SLC4A8: variants seen among roughly 807,000 people sequenced by gnomAD.
The protein encoded by SLC4A8 is solute carrier family 4 member 8.
SLC4A8 carries 40 observed loss-of-function variants against 125.0 expected under a neutral mutation model. That is an observed-to-expected ratio of 0.32 (90% CI 0.25 to 0.42). The LOEUF is 0.42. Among genes scored for constraint, SLC4A8 ranks in the 10% least tolerant of loss-of-function variants. The probability of loss-of-function intolerance (pLI) is 1.00; values close to 1 mark genes in which losing one functional copy is unlikely to be tolerated. For missense variants in SLC4A8, 863 were observed against 1,355.1 expected, an observed-to-expected ratio of 0.64 and a Z score of 5.70; for synonymous variants, 456 against 476.0, an observed-to-expected ratio of 0.96 and a Z score of 0.55.
intron 1 of SLC4A8, among the ~76,000 whole-genome samples, chr12:51,394,696 G>A (rs900726878): frequency 6.6e-6 from 1 of 152,166 alleles, no homozygotes; most frequent in Admixed American, 6.5e-5. Flanking sequence ...TGAGGGTGGA[G>A]GGTGGGAAGA....
chr12:51,476,811 G>A (rs1176170300), intron 16 of SLC4A8, among the ~76,000 whole-genome samples: 2 of 151,738 alleles, frequency 1.3e-5, no homozygotes, highest in Non-Finnish European at 2.9e-5. Context: ...GCCATTGGGC[G>A]GGGCATTATT....
intron 24 of SLC4A8, among the ~76,000 whole-genome samples, chr12:51,506,846 C>T (rs1938194009): frequency 6.6e-6 from 1 of 152,102 alleles, no homozygotes. Context: ...TTTTTGCCTG[C>T]ATTGAGGTAG....
At chr12:51,440,986 A>G in intron 2 of SLC4A8, 197 bp downstream of exon 2, 1 of 1,010,792 alleles carries the variant, frequency 9.9e-7, no homozygotes, top group Non-Finnish European at 1.3e-6. Flanking sequence ...CAGGGATATC[A>G]TTAGGATCTA....
chr12:51,438,260 G>A (rs1323455186), intron 1 of SLC4A8, among the ~76,000 whole-genome samples: 4 of 151,540 alleles, frequency 2.6e-5, no homozygotes, highest in Non-Finnish European at 4.4e-5. Context: ...TTATCCTTTA[G>A]CAAATCTCTC....
rs1949950173 is a variant in SLC4A8 at position 51,451,028 on chromosome 12, G to A, written c.277+6G>A. Reference sequence around the variant, plus strand: ...CCTGGAAGCCCTGGCCCACGGTAAGGGCCTTGGGAGACAGGGCGGGTGTCC... The same window carrying A: ...CCTGGAAGCCCTGGCCCACGGTAAGAGCCTTGGGAGACAGGGCGGGTGTCC... On this transcript the variant is annotated splice_donor_region_variant and intron_variant, in intron 3 of 24. Coordinates refer to ENST00000453097, the MANE Select transcript of SLC4A8 (RefSeq NM_001039960.3). The A allele has an allele frequency of 6.7e-7, 1 of 1,482,924 alleles. No individual in the cohort carries two copies. The highest frequency in any genetic ancestry group is 1.4e-5 in the African/African-American group (1 of 70,320). The allele number at this position is 1,482,924 out of a possible 1,614,324, so 91.9% of individuals were successfully genotyped here.
intron 19 of SLC4A8, among the ~76,000 whole-genome samples, chr12:51,492,765 T>C (rs1354443464): frequency 1.3e-5 from 2 of 152,186 alleles, no homozygotes; most frequent in African/African-American, 4.8e-5. Flanking sequence ...GGTGGTTTGC[T>C]GCACCTGTCA....
At chr12:51,412,986 C>A (rs1398085333) in intron 1 of SLC4A8, among the ~76,000 whole-genome samples, 1 of 152,330 alleles carries the variant, frequency 6.6e-6, no homozygotes, top group East Asian at 1.9e-4. Context: ...TTTTAAGGAA[C>A]CTCCATACTG....
intron 14 of SLC4A8, 95 bp downstream of exon 14, chr12:51,471,627 C>G (rs1950702549): frequency 1.4e-6 from 2 of 1,381,080 alleles, no homozygotes; most frequent in East Asian, 2.3e-5. Flanking sequence ...AGCTTCTGGT[C>G]AAGAAGTGTC....
At chr12:51,480,122 G>A (rs554947836) in intron 16 of SLC4A8, 185 of 413,212 alleles carry the variant, frequency 4.5e-4, no homozygotes, top group African/African-American at 3.7e-3. Flanking sequence ...TGTATTTTTA[G>A]TAGAGACGGG....
chr12:51,462,285 C>T (rs1375660673), intron 9 of SLC4A8, 25 bp from the exon 10 acceptor site: 2 of 1,610,666 alleles, frequency 1.2e-6, no homozygotes, highest in Non-Finnish European at 1.7e-6. Context: ...TTTTAACTTT[C>T]CTGAGGGTTT....
chr12:51,409,601 A>G (rs889347731), intron 1 of SLC4A8, among the ~76,000 whole-genome samples: 1 of 152,128 alleles, frequency 6.6e-6, no homozygotes, highest in Non-Finnish European at 1.5e-5. Flanking sequence ...CACAGTGGCT[A>G]TTCATAGGTG....
In SLC4A8 at chr12:51,466,821, C is replaced by G. The variant is rs1950531536; in HGVS notation, c.1350-2793C>G. Among the ~76,000 whole-genome samples, 5 of 152,142 alleles carry G rather than the reference C, an allele frequency of 3.3e-5. No individual in the cohort carries two copies. The South Asian group carries it at 1.0e-3, about 31-fold the overall frequency. Reference sequence around the variant, plus strand: ...ACTGCTAGACAGACAGATGTCTTCCCTTTCTATGGCTTCTTAGAAATCCAT... The same window carrying G: ...ACTGCTAGACAGACAGATGTCTTCCGTTTCTATGGCTTCTTAGAAATCCAT... On this transcript the variant is annotated intron_variant, in intron 11 of 24. Coordinates refer to ENST00000453097, the MANE Select transcript of SLC4A8 (RefSeq NM_001039960.3).
Position 51,489,713 on chromosome 12 carries a change from A to G in SLC4A8, c.2462A>G (p.Tyr821Cys). Residue 821 changes from tyrosine (Y) to cysteine (C), a missense_variant, in exon 19 of 25, where the codon TAC (tyrosine) becomes TGC (cysteine). Tyr to Cys is a radical substitution (Grantham distance 194). This residue lies in a region of SLC4A8 where 197 missense variants were observed against 377.7 expected (regional missense o/e 0.52). Transcript: ENST00000453097. Reference sequence around the variant, plus strand: ...GTTTCCCCACAGAAAGGCTGTGGCTACCACCTGGACCTACTGATGGTGGCC... The same window carrying G: ...GTTTCCCCACAGAAAGGCTGTGGCTGCCACCTGGACCTACTGATGGTGGCC... ...KEHKLKKGCG[Y>C]HLDLLMVAIM... The G allele has an allele frequency of 6.2e-7, 1 of 1,614,172 alleles. No individual in the cohort carries two copies. The highest frequency in any genetic ancestry group is 8.5e-7 in the Non-Finnish European group (1 of 1,180,018).
At chr12:51,457,075 T>C (rs1328808863) in intron 5 of SLC4A8, among the ~76,000 whole-genome samples, 3 of 152,206 alleles carry the variant, frequency 2.0e-5, no homozygotes, top group Non-Finnish European at 4.4e-5. Context: ...TTTCTAGCAT[T>C]TGGGCCTTAA....
chr12:51,488,714 C>T lies in SLC4A8; in HGVS notation c.2302C>T (p.Arg768Cys), dbSNP rs868263140. Residue 768 changes from arginine to cysteine, a missense_variant, in exon 18 of 25, where the codon CGC (arginine) becomes TGC (cysteine). Physicochemically the swap from Arg to Cys is radical, Grantham distance 180. Around this residue, in one of 6 missense-constraint regions of SLC4A8, gnomAD observed 197 missense variants for 377.7 expected, o/e 0.52. Coordinates refer to ENST00000453097, the MANE Select transcript of SLC4A8 (RefSeq NM_001039960.3). ...PSVFKPTRDDRGWIINPIGPN... is the reference protein window; with the variant it reads ...PSVFKPTRDDCGWIINPIGPN... ...TCCCCCTTAGCCAACAAGGGATGAT[C>T]GCGGATGGATTATTAATCCCATTGG... is the stretch of plus-strand genomic sequence containing the variant. The T allele has an allele frequency of 3.1e-6, 5 of 1,613,482 alleles. No homozygotes were observed. In the Admixed American group the frequency reaches 6.7e-5, roughly 22 times the overall value.
At chr12:51,490,562 CAAAAAAAA>C (rs767679317) in intron 19 of SLC4A8, among the ~76,000 whole-genome samples, 86 of 37,578 alleles carry the variant, frequency 2.3e-3, no homozygotes, top group Non-Finnish European at 4.2e-3. Context: ...GACTCCATCT[CAAAAAAAA>C]AAAAAAAAAA....
At chr12:51,491,228 ATATAAATTTGGG>A (rs1440165227) in intron 19 of SLC4A8, among the ~76,000 whole-genome samples, 2 of 152,186 alleles carry the variant, frequency 1.3e-5, no homozygotes, top group Non-Finnish European at 2.9e-5. Context: ...CTGGACTAAA[ATATAAATTTGGG>A]TATAAATTTG....
At chr12:51,506,772 C>T (rs1464124433) in intron 24 of SLC4A8, among the ~76,000 whole-genome samples, 3 of 152,198 alleles carry the variant, frequency 2.0e-5, no homozygotes, top group African/African-American at 7.2e-5. Context: ...TACCGTATAT[C>T]ATTTACTAAT....
At chr12:51,437,987 G>A (rs35428645) in intron 1 of SLC4A8, among the ~76,000 whole-genome samples, 56,900 of 151,964 alleles carry the variant, frequency 0.37, 10,969 homozygotes, top group East Asian at 0.44. Context: ...CTTTTAAAAC[G>A]TTTAATTTTT....
Sources: gnomAD v4.1 joint callset for allele counts (sites outside exome capture counted in the v4.1 genomes callset) on GRCh38, gnomAD v4.1.1 for gene constraint, gnomAD v4.1.1 regional missense constraint, MANE v1.5 for transcripts, NCBI Gene and HGNC (gene_info 2026-07-23, HGNC 2026-07-21) for gene names.